Variants in KCNQ5 observed in about 807,000 individuals in gnomAD.
The protein encoded by KCNQ5 is potassium voltage-gated channel subfamily KQT member 5.
In KCNQ5, 30 loss-of-function variants were observed where a neutral mutation model predicts 98.2. The ratio of observed to expected loss-of-function variants is 0.31; its 90% confidence interval spans 0.23 to 0.41. The LOEUF is 0.41. Among genes scored for constraint, KCNQ5 ranks in the 10% least tolerant of loss-of-function variants. The probability of loss-of-function intolerance (pLI) is 1.00; values close to 1 mark genes in which losing one functional copy is unlikely to be tolerated. For synonymous variants in KCNQ5, 458 were observed against 449.4 expected, an observed-to-expected ratio of 1.02 and a Z score of -0.24; for missense variants, 835 against 1,182.5, an observed-to-expected ratio of 0.71 and a Z score of 4.31.
intron 1 of KCNQ5, among the ~76,000 whole-genome samples, chr6:72,957,692 A>C (rs1436457193): frequency 6.6e-6 from 1 of 152,086 alleles, no homozygotes; most frequent in Admixed American, 6.5e-5. Flanking sequence ...ATATTTTTAA[A>C]TGCCTCCGTT....
intron 10 of KCNQ5, among the ~76,000 whole-genome samples, chr6:73,156,063 G>A (rs1460464699): frequency 1.3e-5 from 2 of 152,142 alleles, no homozygotes; most frequent in Non-Finnish European, 2.9e-5. Flanking sequence ...TTGGATTAAA[G>A]GAATTGTCTT....
chr6:72,731,427 G>C (rs1289767507), intron 1 of KCNQ5, among the ~76,000 whole-genome samples: 3 of 152,126 alleles, frequency 2.0e-5, no homozygotes, highest in African/African-American at 7.2e-5. Context: ...CACAATAAAG[G>C]TTTATTTTTC....
At chr6:73,146,655 C>T (rs1257718545) in intron 10 of KCNQ5, among the ~76,000 whole-genome samples, 8 of 107,660 alleles carry the variant, frequency 7.4e-5, no homozygotes, top group African/African-American at 3.5e-4. Flanking sequence ...AAAAAAAAAG[C>T]AATTCATTGA....
chr6:72,986,366 GA>G (rs1214043398), intron 1 of KCNQ5: 2 of 404,792 alleles, frequency 4.9e-6, no homozygotes, highest in Non-Finnish European at 9.0e-6. Flanking sequence ...TGATCACCAA[GA>G]AACACAAAGC....
At chr6:73,022,357 A>T (rs1448023299) in intron 2 of KCNQ5, among the ~76,000 whole-genome samples, 2 of 152,112 alleles carry the variant, frequency 1.3e-5, no homozygotes, top group East Asian at 3.9e-4. Flanking sequence ...CAGTTTAAAT[A>T]TAAACTGGAC....
chr6:73,071,652 T>C (rs1332521671), intron 3 of KCNQ5, among the ~76,000 whole-genome samples: 2 of 152,112 alleles, frequency 1.3e-5, no homozygotes, highest in Non-Finnish European at 2.9e-5. Context: ...TGACGAGAGA[T>C]GAAGCAAGAC....
At chr6:72,717,478 C>T (rs1478119603) in intron 1 of KCNQ5, among the ~76,000 whole-genome samples, 1 of 152,014 alleles carries the variant, frequency 6.6e-6, no homozygotes, top group Non-Finnish European at 1.5e-5. Context: ...AAATGGGTGA[C>T]CACTCTAGAT....
At chr6:72,654,043 T>C (rs568326971) in intron 1 of KCNQ5, among the ~76,000 whole-genome samples, 6 of 152,194 alleles carry the variant, frequency 3.9e-5, no homozygotes, top group African/African-American at 9.6e-5. Flanking sequence ...GATACTGTGA[T>C]TGAGTACATG....
chr6:72,643,880 A>G (rs1235536558), intron 1 of KCNQ5, among the ~76,000 whole-genome samples: 3 of 152,188 alleles, frequency 2.0e-5, no homozygotes, highest in African/African-American at 7.2e-5. Flanking sequence ...CTAATTTTAA[A>G]AGTCTAGAAA....
At chr6:72,964,096 T>C (rs1234579353) in intron 1 of KCNQ5, among the ~76,000 whole-genome samples, 1 of 152,256 alleles carries the variant, frequency 6.6e-6, no homozygotes, top group African/African-American at 2.4e-5. Context: ...CTTAAATGAA[T>C]CATAGCAATG....
intron 1 of KCNQ5, among the ~76,000 whole-genome samples, chr6:72,973,594 A>T (rs897102806): frequency 6.6e-6 from 1 of 152,216 alleles, no homozygotes; most frequent in African/African-American, 2.4e-5. Context: ...AAGTTGTCTG[A>T]TACCTATTAT....
intron 9 of KCNQ5, chr6:73,125,333 C>T: frequency 2.0e-6 from 1 of 495,606 alleles, no homozygotes; most frequent in South Asian, 1.5e-5. Context: ...CCAGGAAGTG[C>T]CTAGATTTGA....
intron 5 of KCNQ5, among the ~76,000 whole-genome samples, chr6:73,082,160 G>A (rs1773803537): frequency 6.6e-6 from 1 of 152,174 alleles, no homozygotes; most frequent in Admixed American, 6.5e-5. Context: ...CTGTGGGGAG[G>A]TAGCAGGGCA....
chr6:73,097,148 T>TATATATATATATATATATATATAG (rs1774543786), intron 5 of KCNQ5, among the ~76,000 whole-genome samples: 2 of 145,842 alleles, frequency 1.4e-5, no homozygotes, highest in Non-Finnish European at 3.0e-5. Context: ...ATCTCATATA[T>TATATATATATATATATATATATAG]ATATATATAT....
chr6:73,153,858 G>C (rs146000838), intron 10 of KCNQ5, among the ~76,000 whole-genome samples: 187 of 151,114 alleles, frequency 1.2e-3, no homozygotes, highest in African/African-American at 4.4e-3. Context: ...AGTAATCCCA[G>C]TGCTAAGTTA....
intron 1 of KCNQ5, among the ~76,000 whole-genome samples, chr6:72,915,379 T>A (rs1780091259): frequency 6.6e-6 from 1 of 152,108 alleles, no homozygotes; most frequent in South Asian, 2.1e-4. Flanking sequence ...TTTTAAAAGC[T>A]TAAATAACTA....
chr6:72,980,628 A>G (rs2150296544), intron 1 of KCNQ5, among the ~76,000 whole-genome samples: 1 of 152,290 alleles, frequency 6.6e-6, no homozygotes, highest in Middle Eastern at 3.4e-3. Flanking sequence ...AACAGCGACA[A>G]TTTGACTTCC....
chr6:73,022,874 CAG>C (rs1029994627), intron 2 of KCNQ5, among the ~76,000 whole-genome samples: 11 of 152,094 alleles, frequency 7.2e-5, no homozygotes, highest in African/African-American at 2.4e-4. Context: ...GGTAGATGAA[CAG>C]AAGCTCAAAG....
In KCNQ5 at chr6:73,198,706, A is replaced by C. The variant is rs564201713; in HGVS notation, c.*3292A>C. The C allele has an allele frequency of 3.3e-5, 5 of 152,370 alleles. No homozygotes were observed. In the East Asian group the frequency reaches 9.6e-4, roughly 29 times the overall value. The allele number at this position is 152,370 out of a possible 1,614,324, so 9.4% of individuals were successfully genotyped here. ...TTAAGTAAGCAGTTCTAAGTCATGT[A>C]TGACAATGCAATTGTCTGTTTCCTG... is the stretch of plus-strand genomic sequence containing the variant. On this transcript the variant is annotated 3_prime_UTR_variant, in exon 14 of 14. Coordinates refer to ENST00000370398, the MANE Select transcript of KCNQ5 (RefSeq NM_019842.4).
Sources: gnomAD v4.1 joint callset for allele counts (sites outside exome capture counted in the v4.1 genomes callset) on GRCh38, gnomAD v4.1.1 for gene constraint, MANE v1.5 for transcripts, NCBI Gene and HGNC (gene_info 2026-07-23, HGNC 2026-07-21) for gene names.